Variants in BSG observed in about 807,000 individuals in gnomAD.
BSG encodes basigin (Ok blood group).
In BSG, 37 loss-of-function variants were observed where a neutral mutation model predicts 43.1. The ratio of observed to expected loss-of-function variants is 0.86; its 90% CI spans 0.66 to 1.13. The LOEUF (loss-of-function observed/expected upper bound fraction) is 1.13, where lower values mean the gene tolerates loss of function less well. Ranked by LOEUF, BSG falls within the 50% of genes most tolerant of loss-of-function variation. The pLI is 0.00. For synonymous variants in BSG, 309 were observed against 238.7 expected (o/e 1.29, Z -2.72); for missense variants, 599 against 554.2 (o/e 1.08, Z -0.81).
At chr19:582,013 G>C (rs568077701) in intron 6 of BSG, among the ~76,000 whole-genome samples, 8 of 152,384 alleles carry the variant, frequency 5.2e-5, no homozygotes, top group African/African-American at 1.9e-4. Context: ...GGCGAGGCCT[G>C]TGTGGGGCCT....
intron 2 of BSG, chr19:579,169 C>G (rs749332337): frequency 2.0e-6 from 1 of 492,868 alleles, no homozygotes; most frequent in Non-Finnish European, 4.0e-6. Context: ...GTCCCAGCCT[C>G]GTGTGTCTCT....
intron 1 of BSG, among the ~76,000 whole-genome samples, chr19:575,724 G>A (rs1481436468): frequency 6.6e-6 from 1 of 152,130 alleles, no homozygotes; most frequent in Non-Finnish European, 1.5e-5. Flanking sequence ...GCTGTTTTTA[G>A]ATGAAGGTGA....
chr19:580,577 C>G, intron 4 of BSG, 69 bp from the exon 5 acceptor site: 1 of 1,606,980 alleles, frequency 6.2e-7, no homozygotes. Flanking sequence ...GGGAACAGCC[C>G]TCCTGCGGGA....
chr19:572,659 C>G lies in BSG; in HGVS notation c.25C>G (p.Leu9Val), dbSNP rs1285907749. 4.0e-6 allele frequency: 6 copies of G among 1,505,938 alleles called. No individual in the cohort carries two copies. Among genetic ancestry groups the G allele is most frequent in the Non-Finnish European group, 5.3e-6 (6 of 1,125,892 alleles). The allele number at this position is 1,505,938 out of a possible 1,614,324, so 93.3% of individuals were successfully genotyped here. Residue 9 changes from leucine (L) to valine (V), a missense_variant, in exon 1 of 9, where the codon CTG becomes GTG. Physicochemically the swap from Leu to Val is conservative, Grantham distance 32. Transcript: ENST00000333511. MAAALFVL[L>V]GFALLGTHGA... ...CATGGCGGCTGCGCTGTTCGTGCTGCTGGGATTCGCGCTGCTGGGCACCCA... is the reference window on the plus strand; with the variant it reads ...CATGGCGGCTGCGCTGTTCGTGCTGGTGGGATTCGCGCTGCTGGGCACCCA...
intron 1 of BSG, among the ~76,000 whole-genome samples, chr19:573,416 C>A (rs906124773): frequency 1.3e-5 from 2 of 152,214 alleles, no homozygotes; most frequent in Non-Finnish European, 2.9e-5. Flanking sequence ...TTTTGTCCTC[C>A]AAGAGCACAT....
intron 2 of BSG, among the ~76,000 whole-genome samples, chr19:578,413 G>A (rs1024025670): frequency 1.3e-5 from 2 of 152,210 alleles, no homozygotes; most frequent in African/African-American, 2.4e-5. Context: ...CTGCTTCCCC[G>A]GGCGCCTGCC....
upstream of BSG, chr19:571,336 C>T: frequency 5.0e-6 from 3 of 598,590 alleles, no homozygotes; most frequent in Non-Finnish European, 6.0e-6. Context: ...TCGGCTTAGT[C>T]TGCGGTCCTC....
In BSG at chr19:581,333, G is replaced by A. The variant is rs1176336269; in HGVS notation, c.811G>A (p.Glu271Lys). ...CCCCTAGGCCCTCATGAACGGCTCC[G>A]AGAGCAGGTTCTTCGTGAGTTCCTC... ...SEDKALMNGS[E>K]SRFFVSSSQG... The change falls in exon 6 of 9, where the codon GAG (glutamate) becomes AAG (lysine). Residue 271 changes from glutamate to lysine, a missense_variant. Coordinates refer to ENST00000333511, the MANE Select transcript of BSG (RefSeq NM_001728.4). The A allele has an allele frequency of 9.9e-6, 16 of 1,612,384 alleles. No homozygotes were observed. The highest frequency in any genetic ancestry group is 1.7e-5 in the Admixed American group (1 of 59,988).
intron 1 of BSG, 27 bp downstream of exon 1, chr19:572,728 G>A: frequency 6.8e-7 from 1 of 1,461,074 alleles, no homozygotes; most frequent in Non-Finnish European, 9.1e-7. Context: ...GGGCGGGGGT[G>A]CGGTCCTGCA....
upstream of BSG, chr19:572,293 C>A: frequency 2.7e-6 from 2 of 734,796 alleles, no homozygotes; most frequent in South Asian, 6.2e-5. Context: ...TCAACCCCCT[C>A]GGGCGCACCG....
At chr19:576,237 C>T (rs1229718357) in intron 1 of BSG, among the ~76,000 whole-genome samples, 1 of 152,230 alleles carries the variant, frequency 6.6e-6, no homozygotes, top group Non-Finnish European at 1.5e-5. Context: ...GGGGCCAGCC[C>T]TCTCCTAGCA....
intron 3 of BSG, 91 bp from the exon 4 acceptor site, chr19:580,285 TCAC>T: frequency 8.5e-7 from 1 of 1,182,862 alleles, no homozygotes; most frequent in Admixed American, 2.0e-5. Context: ...TTTTGCTTTT[TCAC>T]TGTGCCGTGG....
In BSG at chr19:581,497, C is replaced by G; in HGVS notation, c.975C>G (p.Leu325=). Residue 325 remains leucine (L), a synonymous_variant, in exon 6 of 9, where the codon CTC becomes CTG. Transcript: ENST00000333511. ...GCGTGCGCAGCCACCTGGCCGCCCTCTGGCCCTTCCTGGGCATCGTGGCTG... is the reference window on the plus strand; with the variant it reads ...GCGTGCGCAGCCACCTGGCCGCCCTGTGGCCCTTCCTGGGCATCGTGGCTG... The part of the protein sequence containing the change: ...TLRVRSHLAA[L]WPFLGIVAEV... 6.3e-7 allele frequency: 1 copy of G among 1,598,126 alleles called. No homozygotes were observed. Among genetic ancestry groups the G allele is most frequent in the African/African-American group, 1.3e-5 (1 of 74,662 alleles).
At chr19:579,128 G>T in intron 2 of BSG, 1 of 470,550 alleles carries the variant, frequency 2.1e-6, no homozygotes, top group Non-Finnish European at 4.2e-6. Flanking sequence ...TCAGGGACGT[G>T]GGTGGGTGCC....
intron 2 of BSG, chr19:578,897 A>T (rs1195281810): frequency 5.1e-6 from 2 of 392,544 alleles, no homozygotes; most frequent in East Asian, 1.5e-4. Context: ...TGCCCAGCTA[A>T]TTTTTTGTAT....
intron 1 of BSG, among the ~76,000 whole-genome samples, chr19:575,597 C>T (rs1490710274): frequency 1.2e-4 from 3 of 25,684 alleles, no homozygotes; most frequent in Non-Finnish European, 1.5e-4. Flanking sequence ...GCTGTCTGAG[C>T]ACTGGGGTGG....
At chr19:579,678 G>C in intron 3 of BSG, 22 bp downstream of exon 3, 1 of 1,585,358 alleles carries the variant, frequency 6.3e-7, no homozygotes, top group Non-Finnish European at 8.6e-7. Context: ...ACCACGCCAT[G>C]CCGCCACCTG....
chr19:573,650 C>T (rs1017396184), intron 1 of BSG, among the ~76,000 whole-genome samples: 1 of 152,154 alleles, frequency 6.6e-6, no homozygotes, highest in Non-Finnish European at 1.5e-5. Context: ...CTCTGAACGC[C>T]CCTCCTCCTT....
chr19:582,853 G>A lies in BSG; in HGVS notation c.*109G>A, dbSNP rs1213701270. The A allele has an allele frequency of 2.8e-5, 15 of 536,612 alleles. No homozygotes were observed. Among genetic ancestry groups the A allele is most frequent in the South Asian group, 1.3e-4 (5 of 39,844 alleles). 33.2% of individuals were successfully genotyped at this position (536,612 alleles called of 1,614,324 possible). A position where few individuals can be genotyped will look rare whatever the true frequency, so the allele number is the denominator to read the frequency against. Reference sequence around the variant, plus strand: ...TCACCTCTTAAAGAAAACCCACCCCGTAGATTCCCATCATACACTTCCTTC... The same window carrying A: ...TCACCTCTTAAAGAAAACCCACCCCATAGATTCCCATCATACACTTCCTTC... On this transcript the variant is annotated 3_prime_UTR_variant, in exon 9 of 9. Coordinates refer to ENST00000333511, the MANE Select transcript of BSG (RefSeq NM_001728.4).
Sources: gnomAD v4.1 joint callset for allele counts (sites outside exome capture counted in the v4.1 genomes callset) on GRCh38, gnomAD v4.1.1 for gene constraint, MANE v1.5 for transcripts, NCBI Gene and HGNC (gene_info 2026-07-23, HGNC 2026-07-21) for gene names.